Variants in FRYL observed in about 807,000 individuals in gnomAD.
The protein encoded by FRYL is protein furry homolog-like.
A neutral mutation model predicts 351.2 loss-of-function variants in FRYL; 150 were observed. That is an observed-to-expected ratio of 0.43 (90% confidence interval 0.37 to 0.49). FRYL has a LOEUF of 0.49. FRYL is among the 20% of genes least tolerant of loss of function. FRYL has a pLI of 0.00. For missense variants in FRYL, 3,036 were observed against 3,619.3 expected (o/e 0.84, Z 4.13); for synonymous variants, 1,153 against 1,257.1 (o/e 0.92, Z 1.75).
intron 2 of FRYL, among the ~76,000 whole-genome samples, chr4:48,685,817 G>A (rs572695438): frequency 2.8e-4 from 43 of 151,680 alleles, no homozygotes; most frequent in Non-Finnish European, 5.4e-4. Context: ...GCAGTGGCAC[G>A]ATCTCAGCTC....
At chr4:48,535,516 C>A in intron 48 of FRYL, 141 bp downstream of exon 48, 1 of 414,818 alleles carries the variant, frequency 2.4e-6, no homozygotes, top group Non-Finnish European at 4.2e-6. Flanking sequence ...AGTGCTGCTT[C>A]TGCATATAAA....
rs778508851 is a variant in FRYL, at chr4:48,553,196, G to C, written c.4435+19C>G. The C allele has an allele frequency of 2.5e-5, 40 of 1,601,720 alleles. No individual in the cohort carries two copies. The highest frequency in any genetic ancestry group is 3.3e-5 in the Non-Finnish European group (39 of 1,172,452). ...TGTCTATCATCTCACACAGCAATCG[G>C]TTTTAACAAATTTCTCACCTGAGGT... On this transcript the variant is annotated intron_variant, in intron 36 of 63. Coordinates refer to ENST00000358350, the MANE Select transcript of FRYL (RefSeq NM_015030.2).
At chr4:48,713,518 CAAAG>C (rs1450232906) in intron 1 of FRYL, among the ~76,000 whole-genome samples, 2 of 152,060 alleles carry the variant, frequency 1.3e-5, no homozygotes, top group African/African-American at 4.8e-5. Context: ...TCAAAAGAGA[CAAAG>C]AAGGCCATTA....
intron 1 of FRYL, among the ~76,000 whole-genome samples, chr4:48,749,853 C>A (rs1176277792): frequency 1.3e-5 from 2 of 152,098 alleles, no homozygotes; most frequent in Non-Finnish European, 2.9e-5. Flanking sequence ...CCTCCCTGGG[C>A]CAGGCACAGT....
intron 1 of FRYL, among the ~76,000 whole-genome samples, chr4:48,747,159 CT>C (rs1165288166): frequency 8.0e-5 from 2 of 25,020 alleles, no homozygotes; most frequent in Non-Finnish European, 1.0e-4. Flanking sequence ...TATATTTCCC[CT>C]ATCCCCCCCC....
intron 1 of FRYL, among the ~76,000 whole-genome samples, chr4:48,712,403 G>A (rs868548147): frequency 3.9e-5 from 6 of 152,202 alleles, no homozygotes; most frequent in African/African-American, 4.8e-5. Flanking sequence ...GCCAAGGCTC[G>A]AGAACTACAT....
intron 1 of FRYL, among the ~76,000 whole-genome samples, chr4:48,718,883 A>G (rs1412555292): frequency 6.6e-6 from 1 of 151,436 alleles, no homozygotes; most frequent in Non-Finnish European, 1.5e-5. Flanking sequence ...CTCATGCTCC[A>G]TAGACTCCTC....
intron 1 of FRYL, among the ~76,000 whole-genome samples, chr4:48,763,136 GT>G (rs1774582811): frequency 7.0e-6 from 1 of 143,620 alleles, no homozygotes; most frequent in South Asian, 2.2e-4. Flanking sequence ...AAAAGATATG[GT>G]TTCAGAAATT....
At chr4:48,574,277 G>A (rs1739044270) in intron 25 of FRYL, among the ~76,000 whole-genome samples, 1 of 152,076 alleles carries the variant, frequency 6.6e-6, no homozygotes, top group Non-Finnish European at 1.5e-5. Context: ...TTCTAATTAT[G>A]AGAATTTAAT....
At chr4:48,650,634 C>G (rs1757424502) in intron 3 of FRYL, among the ~76,000 whole-genome samples, 1 of 152,132 alleles carries the variant, frequency 6.6e-6, no homozygotes. Flanking sequence ...ACTGGCAAAG[C>G]ATGGCGAGAA....
intron 3 of FRYL, among the ~76,000 whole-genome samples, chr4:48,658,673 G>C (rs1175855777): frequency 1.3e-5 from 2 of 151,808 alleles, no homozygotes; most frequent in African/African-American, 4.8e-5. Context: ...AGGATCAACG[G>C]GGCCCAGGAA....
intron 43 of FRYL, 118 bp downstream of exon 43, chr4:48,544,659 TAAATTA>T: frequency 1.4e-6 from 1 of 698,842 alleles, no homozygotes; most frequent in South Asian, 3.5e-5. Flanking sequence ...TTATCATTAA[TAAATTA>T]AAAGTCTAAA....
At chr4:48,690,988 T>C (rs1157052798) in intron 2 of FRYL, among the ~76,000 whole-genome samples, 1 of 152,226 alleles carries the variant, frequency 6.6e-6, no homozygotes, top group Non-Finnish European at 1.5e-5. Context: ...CTTTCCTCTT[T>C]TTCTCTGTGT....
chr4:48,695,350 T>A (rs1355636190), intron 2 of FRYL, among the ~76,000 whole-genome samples: 2 of 152,192 alleles, frequency 1.3e-5, no homozygotes, highest in African/African-American at 2.4e-5. Flanking sequence ...ACTGATAATG[T>A]GCAAACTACG....
Position 48,549,576 on chromosome 4 carries a change from G to A in FRYL, c.4681C>T (p.His1561Tyr). The A allele has an allele frequency of 6.2e-7, 1 of 1,613,376 alleles. No homozygotes were observed. The highest frequency in any genetic ancestry group is 8.5e-7 in the Non-Finnish European group (1 of 1,179,566). The change falls in exon 39 of 64, where the codon CAT becomes TAT. Residue 1561 changes from histidine (H) to tyrosine (Y), a missense_variant. This residue lies in a region of FRYL where 1,987 missense variants were observed against 2,311.7 expected (regional missense o/e 0.86). Transcript: ENST00000358350. This position sits in a 1 kb window ranked among gnomAD's most constrained non-coding sequence, Gnocchi z 4.2. ...AAGGGCAGTGGCTCTCCTTGGTTAT[G>A]CTCCATCACTTTCAGTCGCCAATTA... ...YSNWRLKVME[H>Y]NQGEPLPFPP...
intron 23 of FRYL, 83 bp from the exon 24 acceptor site, chr4:48,576,305 T>TG: frequency 4.6e-6 from 1 of 218,798 alleles, no homozygotes; most frequent in East Asian, 1.5e-4. Flanking sequence ...GCTAAATTTC[T>TG]TTTTTTTTTT....
chr4:48,528,995 G>A (rs966049662), intron 50 of FRYL, among the ~76,000 whole-genome samples: 3 of 152,096 alleles, frequency 2.0e-5, no homozygotes, highest in African/African-American at 4.8e-5. Flanking sequence ...ATGCTCAACT[G>A]ATCATCCTTC....
chr4:48,758,025 C>T (rs1027283565), intron 1 of FRYL, among the ~76,000 whole-genome samples: 3 of 152,172 alleles, frequency 2.0e-5, no homozygotes, highest in Admixed American at 6.5e-5. Context: ...GGAAAACTGG[C>T]TAACCATATG....
Position 48,736,850 on chromosome 4 carries a change from GAAAAAAA to G in FRYL, c.-383-26159_-383-26153del, listed in dbSNP as rs368006420. Among the ~76,000 whole-genome samples the G allele has an allele frequency of 8.4e-3, 343 of 40,606 alleles. 2 individuals are homozygous for G. The highest frequency in any genetic ancestry group is 0.015 in the African/African-American group (154 of 10,198). 26.6% of individuals were successfully genotyped at this position (40,606 alleles called of 152,430 possible). A position where few individuals can be genotyped will look rare whatever the true frequency, so the allele number is the denominator to read the frequency against. ...GGGCGACAGACTGAGACTCTGTCTC[GAAAAAAA>G]AAAAAAAAAAAAAGAAAAAAGAAAA... is the stretch of plus-strand genomic sequence containing the variant. On this transcript the variant is annotated intron_variant, in intron 1 of 63. Transcript: ENST00000358350.
Sources: allele counts gnomAD v4.1 joint callset (sites outside exome capture counted in the v4.1 genomes callset), GRCh38; gene constraint gnomAD v4.1.1; regional missense constraint gnomAD v4.1.1; non-coding constraint Gnocchi (gnomAD v3.1); transcripts MANE v1.5; gene names NCBI Gene and HGNC (gene_info 2026-07-23, HGNC 2026-07-21).